SH3D19: variants seen among roughly 807,000 people sequenced by gnomAD.
SH3D19 encodes the protein SH3 domain-containing protein 19.
SH3D19 carries 58 observed loss-of-function variants against 112.1 expected under a neutral mutation model. The observed-to-expected ratio is 0.52, with a 90% confidence interval of 0.42 to 0.64. SH3D19 has a LOEUF of 0.64. Ranked by LOEUF, SH3D19 falls within the 30% of genes least tolerant of loss-of-function variation. The probability of loss-of-function intolerance (pLI) is 0.00; values close to 1 mark genes in which losing one functional copy is unlikely to be tolerated. For missense variants in SH3D19, 1,090 were observed against 1,263.4 expected, an observed-to-expected ratio of 0.86 and a Z score of 2.08; for synonymous variants, 391 against 448.5, an observed-to-expected ratio of 0.87 and a Z score of 1.62.
At chr4:151,312,039 T>C (rs563056060) in intron 1 of SH3D19, among the ~76,000 whole-genome samples, 1 of 152,246 alleles carries the variant, frequency 6.6e-6, no homozygotes, top group East Asian at 1.9e-4. Flanking sequence ...GTATTCTCAC[T>C]ATAAGAAACA....
chr4:151,250,475 C>G (rs1008473135), intron 1 of SH3D19, among the ~76,000 whole-genome samples: 2 of 150,420 alleles, frequency 1.3e-5, no homozygotes, highest in African/African-American at 4.9e-5. Context: ...GTATATGGAC[C>G]CCACACAAAT....
In SH3D19 at chr4:151,121,837, C is replaced by T; in HGVS notation, c.*254G>A. The T allele has an allele frequency of 3.3e-6, 1 of 301,852 alleles. No homozygotes were observed. The highest frequency in any genetic ancestry group is 5.1e-5 in the Admixed American group (1 of 19,686). The allele number at this position is 301,852 out of a possible 1,614,324, so 18.7% of individuals were successfully genotyped here. A position where few individuals can be genotyped will look rare whatever the true frequency, so the allele number is the denominator to read the frequency against. Reference sequence around the variant, plus strand: ...GCTGCCATGCCACCAGATGCTTTCCCTTCACCTTGCTAATCCCACTAGATG... The same window carrying T: ...GCTGCCATGCCACCAGATGCTTTCCTTTCACCTTGCTAATCCCACTAGATG... On this transcript the variant is annotated 3_prime_UTR_variant, in exon 20 of 20. Coordinates refer to ENST00000604030, the MANE Select transcript of SH3D19 (RefSeq NM_001378122.1).
intron 9 of SH3D19, among the ~76,000 whole-genome samples, chr4:151,158,609 C>T (rs1756570101): frequency 6.6e-6 from 1 of 150,860 alleles, no homozygotes; most frequent in African/African-American, 2.4e-5. Context: ...CACCTTTATT[C>T]TTTTTCTTAA....
chr4:151,127,210 T>C (rs1035764628), intron 19 of SH3D19, among the ~76,000 whole-genome samples: 2 of 152,224 alleles, frequency 1.3e-5, no homozygotes, highest in African/African-American at 4.8e-5. Context: ...ATGCTACTAG[T>C]GCAAATTGTA....
At chr4:151,267,508 T>C (rs958265065) in intron 1 of SH3D19, among the ~76,000 whole-genome samples, 1 of 152,242 alleles carries the variant, frequency 6.6e-6, no homozygotes, top group Non-Finnish European at 1.5e-5. Flanking sequence ...GAACATAGCT[T>C]TTATTTTTCC....
rs550265005 is a variant in SH3D19 at position 151,176,894 on chromosome 4, T to G, written c.298A>C (p.Thr100Pro). ...PLRPASWFPGTPPPGLGFPTS... is the reference protein window; with the variant it reads ...PLRPASWFPGPPPPGLGFPTS... ...GGAAATCCCAGTCCTGGGGGTGGGG[T>G]TCCTGGAAACCACGAGGCTGGCCTC... The change falls in exon 5 of 20, where the codon ACC becomes CCC. Residue 100 changes from threonine to proline, a missense_variant. Coordinates refer to ENST00000604030, the MANE Select transcript of SH3D19 (RefSeq NM_001378122.1). 1 of 1,232,082 alleles carries G rather than the reference T, an allele frequency of 8.1e-7. No homozygotes were observed. Among genetic ancestry groups the G allele is most frequent in the South Asian group, 4.1e-5 (1 of 24,312 alleles). The allele number at this position is 1,232,082 out of a possible 1,614,324, so 76.3% of individuals were successfully genotyped here.
At chr4:151,241,416 TA>T (rs1770547939) in intron 1 of SH3D19, among the ~76,000 whole-genome samples, 7 of 151,976 alleles carry the variant, frequency 4.6e-5, no homozygotes, top group Non-Finnish European at 8.8e-5. Context: ...CAGAAAGTAT[TA>T]TAAATTAGTG....
At chr4:151,159,671 T>C (rs1286456718) in intron 8 of SH3D19, among the ~76,000 whole-genome samples, 1 of 152,226 alleles carries the variant, frequency 6.6e-6, no homozygotes, top group African/African-American at 2.4e-5. Flanking sequence ...CCAAGATCTA[T>C]GTGCTAGATT....
chr4:151,295,901 T>C (rs957391375), intron 1 of SH3D19, among the ~76,000 whole-genome samples: 1 of 151,948 alleles, frequency 6.6e-6, no homozygotes, highest in African/African-American at 2.4e-5. Context: ...CCAGGCATGA[T>C]GGCATGAGCC....
chr4:151,122,303 A>G (rs1037339598), intron 19 of SH3D19, 96 bp from the exon 20 acceptor site: 15 of 671,036 alleles, frequency 2.2e-5, no homozygotes, highest in Middle Eastern at 2.5e-4. Flanking sequence ...TCTTCTCTGT[A>G]TAACTCATTT....
chr4:151,324,353 A>G (rs1730838087), intron 1 of SH3D19, among the ~76,000 whole-genome samples: 1 of 152,104 alleles, frequency 6.6e-6, no homozygotes, highest in African/African-American at 2.4e-5. Context: ...TCCACTTTAT[A>G]ATGAGGCTCT....
chr4:151,132,457 T>C, intron 16 of SH3D19, 74 bp from the exon 17 acceptor site: 1 of 1,346,044 alleles, frequency 7.4e-7, no homozygotes, highest in Non-Finnish European at 1.1e-6. Flanking sequence ...TAAAAACAAA[T>C]GGTTGAGGTG....
intron 7 of SH3D19, among the ~76,000 whole-genome samples, chr4:151,173,804 G>C (rs1023074847): frequency 2.0e-5 from 3 of 152,200 alleles, no homozygotes; most frequent in Non-Finnish European, 2.9e-5. Context: ...CATTTATACA[G>C]TGACAGTTAA....
At chr4:151,143,435 G>C (rs1753371751) in intron 12 of SH3D19, among the ~76,000 whole-genome samples, 1 of 152,022 alleles carries the variant, frequency 6.6e-6, no homozygotes, top group Non-Finnish European at 1.5e-5. Context: ...ATTTTCATAT[G>C]CCAGCAGAAG....
intron 1 of SH3D19, among the ~76,000 whole-genome samples, chr4:151,292,239 C>A (rs1178233094): frequency 6.6e-6 from 1 of 151,502 alleles, no homozygotes; most frequent in East Asian, 1.9e-4. Context: ...TTCGAGGCTG[C>A]AGTGAGCTAT....
rs574048262 is a variant in SH3D19, at chr4:151,194,077, G to A, written c.153-6614C>T. On this transcript the variant is annotated intron_variant, in intron 2 of 19. Coordinates refer to ENST00000604030, the MANE Select transcript of SH3D19 (RefSeq NM_001378122.1). ...ACTCAGCTCTGTCACCCAGGCTGGA[G>A]TGCAGTGGCATGATCTCGGCTTACT... is the stretch of plus-strand genomic sequence containing the variant. Among the ~76,000 whole-genome samples the A allele has an allele frequency of 2.0e-3, 273 of 139,346 alleles. 2 individuals are homozygous for A. Among genetic ancestry groups the A allele is most frequent in the African/African-American group, 7.6e-3 (265 of 34,930 alleles). 91.4% of individuals were successfully genotyped at this position (139,346 alleles called of 152,430 possible).
chr4:151,286,184 G>GAACAAAAAA (rs1774746816), intron 1 of SH3D19, among the ~76,000 whole-genome samples: 1 of 86,628 alleles, frequency 1.2e-5, no homozygotes, highest in African/African-American at 4.7e-5. Context: ...CTGTCTTAAA[G>GAACAAAAAA]AAAAAAAAAA....
In SH3D19 at chr4:151,210,837, T is replaced by C. The variant is rs144951782; in HGVS notation, c.152+15210A>G. Among the ~76,000 whole-genome samples, 716 of 152,326 alleles carry C rather than the reference T, an allele frequency of 4.7e-3. 3 individuals carry two copies. Among genetic ancestry groups the C allele is most frequent in the Non-Finnish European group, 7.6e-3 (519 of 68,034 alleles). ...TTGTATTTTGACAAACTTTCTATAA[T>C]AGGCACGTATTATTTTATAGTAACA... On this transcript the variant is annotated intron_variant, in intron 2 of 19. Transcript: ENST00000604030.
At chr4:151,251,181 T>C (rs1361545278) in intron 1 of SH3D19, among the ~76,000 whole-genome samples, 1 of 64,124 alleles carries the variant, frequency 1.6e-5, no homozygotes, top group Non-Finnish European at 5.0e-5. Flanking sequence ...CATTTGTTCT[T>C]TCTTTTTCTT....
Sources: allele counts gnomAD v4.1 joint callset (sites outside exome capture counted in the v4.1 genomes callset), GRCh38; gene constraint gnomAD v4.1.1; transcripts MANE v1.5; gene names NCBI Gene and HGNC (gene_info 2026-07-23, HGNC 2026-07-21).